NME9: variants seen among roughly 807,000 people sequenced by gnomAD.
The protein encoded by NME9 is thioredoxin domain-containing protein 6.
A neutral mutation model predicts 44.4 loss-of-function variants in NME9; 48 were observed. That is an observed-to-expected ratio of 1.08 (90% CI 0.86 to 1.37). The LOEUF (loss-of-function observed/expected upper bound fraction) is 1.37. Ranked by LOEUF, NME9 falls within the 40% of genes most tolerant of loss-of-function variation. NME9 has a pLI of 0.00. For missense variants in NME9, 325 were observed against 405.2 expected (o/e 0.80, Z 1.70); for synonymous variants, 139 against 147.1 (o/e 0.94, Z 0.40).
chr3:138,324,046 T>G (rs1414948187), intron 2 of NME9: 1 of 173,440 alleles, frequency 5.8e-6, no homozygotes, highest in Non-Finnish European at 1.3e-5. Context: ...ACTTCCAACT[T>G]GTGCCCTCTC....
chr3:138,321,715 T>C (rs2053476371), intron 2 of NME9, among the ~76,000 whole-genome samples: 1 of 151,726 alleles, frequency 6.6e-6, no homozygotes. Context: ...ATAGGAGGAA[T>C]GAGGAAGCCA....
chr3:138,320,432 G>T (rs1052822821), intron 2 of NME9, among the ~76,000 whole-genome samples: 1 of 152,248 alleles, frequency 6.6e-6, no homozygotes, highest in Non-Finnish European at 1.5e-5. Context: ...TCAACCGCCA[G>T]AGTAGTATAG....
chr3:138,308,114 T>C (rs929543328), intron 6 of NME9, among the ~76,000 whole-genome samples: 2 of 152,092 alleles, frequency 1.3e-5, no homozygotes, highest in Non-Finnish European at 2.9e-5. Flanking sequence ...GAGGAAATCA[T>C]GGAGGAGGGA....
In NME9 at chr3:138,329,494, G is replaced by A. The variant is rs1282163678; in HGVS notation, c.-159C>T. On this transcript the variant is annotated 5_prime_UTR_variant, in exon 1 of 11. Transcript: ENST00000333911. ...CCTTTTTAAGGTGCTTCTAACTGGC[G>A]GCAAATCAGCACACTGATACAAAGT... is the stretch of plus-strand genomic sequence containing the variant. The A allele has an allele frequency of 6.9e-7, 1 of 1,449,186 alleles. No individual in the cohort carries two copies. The highest frequency in any genetic ancestry group is 9.0e-7 in the Non-Finnish European group (1 of 1,106,922). 89.8% of individuals were successfully genotyped at this position (1,449,186 alleles called of 1,614,324 possible). A position where few individuals can be genotyped will look rare whatever the true frequency, so the allele number is the denominator to read the frequency against.
At position 138,306,422 on chromosome 3, in the gene NME9, T is replaced by C. The variant is rs1449760411; in HGVS notation, c.519A>G (p.Gly173=). ...AIIKPDAVAH[G]KTDEIIMKIQ... ...CCTTCATGATAATCTCATCAGTCTT[T>C]CCATGGGCCACTGCATCTGGTTTAA... The change falls in exon 7 of 11, where the codon GGA becomes GGG. Residue 173 remains glycine, a synonymous_variant. Coordinates refer to ENST00000333911, the MANE Select transcript of NME9 (RefSeq NM_001349018.2). The C allele has an allele frequency of 6.2e-7, 1 of 1,613,298 alleles. No homozygotes were observed. Among genetic ancestry groups the C allele is most frequent in the Non-Finnish European group, 8.5e-7 (1 of 1,179,226 alleles).
intron 8 of NME9, among the ~76,000 whole-genome samples, chr3:138,279,015 A>G (rs887558351): frequency 1.3e-5 from 2 of 152,086 alleles, no homozygotes; most frequent in South Asian, 2.1e-4. Context: ...TCTATATGCT[A>G]TTTTGTTTTT....
At chr3:138,304,761 A>G (rs1402551301) in intron 9 of NME9, 112 bp downstream of exon 9, 4 of 1,043,640 alleles carry the variant, frequency 3.8e-6, no homozygotes, top group African/African-American at 1.6e-5. Flanking sequence ...GAGCCTGGCC[A>G]TCAGAGAGTC....
chr3:138,315,703 A>G, intron 4 of NME9, 60 bp from the exon 5 acceptor site: 1 of 1,338,778 alleles, frequency 7.5e-7, no homozygotes, highest in South Asian at 1.3e-5. Context: ...CTTGTAAGAG[A>G]TGGCAAGAGT....
intron 8 of NME9, among the ~76,000 whole-genome samples, chr3:138,269,471 T>C (rs1390993687): frequency 1.3e-5 from 2 of 152,188 alleles, no homozygotes; most frequent in African/African-American, 2.4e-5. Flanking sequence ...TACAGGACTG[T>C]TTTGCTTGTA....
chr3:138,313,138 C>A (rs953079792), intron 6 of NME9, among the ~76,000 whole-genome samples: 2 of 152,200 alleles, frequency 1.3e-5, no homozygotes, highest in South Asian at 4.1e-4. Context: ...CGCCTGTAAT[C>A]CCAGCACTTT....
intron 1 of NME9, among the ~76,000 whole-genome samples, chr3:138,326,158 T>C (rs945213293): frequency 1.3e-5 from 2 of 152,220 alleles, no homozygotes; most frequent in African/African-American, 4.8e-5. Flanking sequence ...TTCCTCCTGA[T>C]TGGATTCAGA....
intron 8 of NME9, among the ~76,000 whole-genome samples, chr3:138,305,643 T>G (rs1203483062): frequency 6.6e-6 from 1 of 152,188 alleles, no homozygotes; most frequent in Non-Finnish European, 1.5e-5. Context: ...GGTAGTTAGA[T>G]CTGAGTTATC....
At chr3:138,281,336 A>G (rs2049904518) in intron 8 of NME9, among the ~76,000 whole-genome samples, 2 of 150,060 alleles carry the variant, frequency 1.3e-5, no homozygotes. Context: ...CTCTGTTGCC[A>G]GGCTGGAGTG....
At chr3:138,297,023 G>C (rs550841780), downstream of NME9, 1 of 152,284 alleles carries the variant, frequency 6.6e-6, no homozygotes, top group East Asian at 1.9e-4. Flanking sequence ...AGACACCCCT[G>C]TAGAAAGAAA....
In NME9 at chr3:138,290,553, A is replaced by G. The variant is rs1433572406; in HGVS notation, c.745+12954T>C. 3 of 1,601,898 alleles carry G rather than the reference A, an allele frequency of 1.9e-6. No homozygotes were observed. The Admixed American group carries it at 5.2e-5, about 28-fold the overall frequency. On this transcript the variant is annotated intron_variant, in intron 8 of 8. Transcript: ENST00000317876. Reference sequence around the variant, plus strand: ...CTGGCTTTAATCGTTTAGGTTCACAAGAACGCCAGGATAAATTACGAGACA... The same window carrying G: ...CTGGCTTTAATCGTTTAGGTTCACAGGAACGCCAGGATAAATTACGAGACA...
chr3:138,274,007 G>A (rs942438164), intron 8 of NME9, among the ~76,000 whole-genome samples: 7 of 151,942 alleles, frequency 4.6e-5, no homozygotes, highest in Admixed American at 1.3e-4. Flanking sequence ...TAGTAGAGAC[G>A]GGGTTTTGCC....
downstream of NME9, among the ~76,000 whole-genome samples, chr3:138,300,598 C>T (rs544590183): frequency 6.6e-6 from 1 of 152,314 alleles, no homozygotes; most frequent in South Asian, 2.1e-4. Flanking sequence ...AATCCTGTGT[C>T]CCTCCAGGGA....
intron 8 of NME9, chr3:138,264,168 C>T (rs2048025596): frequency 1.2e-6 from 2 of 1,613,934 alleles, no homozygotes; most frequent in Non-Finnish European, 1.7e-6. Context: ...GCAGCAGCTT[C>T]GAACCAGTTT....
chr3:138,276,354 C>T (rs1196601257), intron 8 of NME9, among the ~76,000 whole-genome samples: 3 of 152,190 alleles, frequency 2.0e-5, no homozygotes, highest in African/African-American at 7.2e-5. Flanking sequence ...ATGAAACTGT[C>T]ACCACAGACA....
Sources: allele counts gnomAD v4.1 joint callset (sites outside exome capture counted in the v4.1 genomes callset), GRCh38; gene constraint gnomAD v4.1.1; transcripts MANE v1.5; gene names NCBI Gene and HGNC (gene_info 2026-07-23, HGNC 2026-07-21).